HDAC10: variants seen among roughly 807,000 people sequenced by gnomAD.
The protein encoded by HDAC10 is polyamine deacetylase HDAC10.
In HDAC10, 90 loss-of-function variants were observed where a neutral mutation model predicts 82.3. The ratio of observed to expected loss-of-function variants is 1.09; its 90% CI spans 0.92 to 1.30. The LOEUF is 1.30. HDAC10 is among the 50% of genes most tolerant of loss of function. HDAC10 has a pLI of 0.00. For missense variants in HDAC10, 934 were observed against 876.3 expected, an observed-to-expected ratio of 1.07 and a Z score of -0.83; for synonymous variants, 456 against 391.7, an observed-to-expected ratio of 1.16 and a Z score of -1.94.
Position 50,248,522 on chromosome 22 carries a change from G to A in HDAC10, c.907-50C>T, listed in dbSNP as rs575767999. The A allele has an allele frequency of 2.3e-4, 363 of 1,554,872 alleles. 4 individuals carry two copies. In the South Asian group the frequency reaches 3.8e-3, roughly 16 times the overall value. On this transcript the variant is annotated intron_variant, in intron 10 of 19. Transcript: ENST00000216271. The surrounding 1 kb of genome is among the most constrained non-coding windows in gnomAD (Gnocchi z 5.4). ...TGGGGCAGAGATATCACTGGGATGGGATGTCACCGGGAGAGCCCCTGCCTG... is the reference window on the plus strand; with the variant it reads ...TGGGGCAGAGATATCACTGGGATGGAATGTCACCGGGAGAGCCCCTGCCTG...
chr22:50,245,903 A>T lies in HDAC10; in HGVS notation c.1833+7T>A. The T allele has an allele frequency of 6.4e-7, 1 of 1,568,072 alleles. No homozygotes were observed. The highest frequency in any genetic ancestry group is 8.6e-7 in the Non-Finnish European group (1 of 1,156,698). The stretch of plus-strand genomic sequence containing the variant: ...ACCCCGCAGCACCTCCACCCTGCCC[A>T]GCTTACCTCCTCCAGGAGGGCCAGG... On this transcript the variant is annotated splice_region_variant and intron_variant, in intron 18 of 19. Transcript: ENST00000216271.
Position 50,245,896 on chromosome 22 carries a change from C to T in HDAC10, c.1833+14G>A. ...TCGTCCCACCCCGCAGCACCTCCAC[C>T]CTGCCCAGCTTACCTCCTCCAGGAG... On this transcript the variant is annotated intron_variant, in intron 18 of 19. Coordinates refer to ENST00000216271, the MANE Select transcript of HDAC10 (RefSeq NM_032019.6). The T allele has an allele frequency of 6.4e-7, 1 of 1,562,192 alleles. No homozygotes were observed. Among genetic ancestry groups the T allele is most frequent in the East Asian group, 2.4e-5 (1 of 41,656 alleles).
Position 50,245,218 on chromosome 22 carries a change from CG to C in HDAC10, c.*288del. On this transcript the variant is annotated 3_prime_UTR_variant, in exon 20 of 20. Coordinates refer to ENST00000216271, the MANE Select transcript of HDAC10 (RefSeq NM_032019.6). The stretch of plus-strand genomic sequence containing the variant: ...GCGATGTTTACTAACGGCGCAAGGG[CG>C]GGGAGCGAAGCGCAGCGGGGCGCAG... The C allele has an allele frequency of 1.8e-6, 1 of 563,050 alleles. No homozygotes were observed. Among genetic ancestry groups the C allele is most frequent in the Non-Finnish European group, 3.1e-6 (1 of 319,190 alleles). 34.9% of individuals were successfully genotyped at this position (563,050 alleles called of 1,614,324 possible). A position where few individuals can be genotyped will look rare whatever the true frequency, so the allele number is the denominator to read the frequency against.
Position 50,248,366 on chromosome 22 carries a change from CTCTGACA to C in HDAC10, c.1006_1012del (p.Cys336ValfsTer3). The C allele has an allele frequency of 1.9e-6, 3 of 1,610,996 alleles. No individual in the cohort carries two copies. Among genetic ancestry groups the C allele is most frequent in the Non-Finnish European group, 2.5e-6 (3 of 1,179,892 alleles). On this transcript the variant is annotated frameshift_variant and splice_region_variant, in exon 11 of 20. Coordinates refer to ENST00000216271, the MANE Select transcript of HDAC10 (RefSeq NM_032019.6). LOFTEE classifies it high-confidence loss of function. This position sits in a 1 kb window ranked among gnomAD's most constrained non-coding sequence, Gnocchi z 5.4. ...CTGCCCGCCCTACCTCCCCTCGCAC[CTCTGACA>C]TGGCGCCATTGGCCCTGACAGGGGT...
At position 50,247,892 on chromosome 22, in the gene HDAC10, G is replaced by A. The variant is rs2064995787; in HGVS notation, c.1335C>T (p.Ala445=). 6.2e-7 allele frequency: 1 copy of A among 1,612,672 alleles called. No homozygotes were observed. The highest frequency in any genetic ancestry group is 8.5e-7 in the Non-Finnish European group (1 of 1,179,920). ...SALREETEAW[A]RPHESLAREE... is the part of the protein sequence containing the mutation. ...CTCCCCAGGCCAGCCCTGCCCACCT[G>A]GCCCAGGCTTCTGTCTCCTCCCTCA... Residue 445 remains alanine, a splice_region_variant and synonymous_variant, in exon 13 of 20, where the codon GCC becomes GCT. Coordinates refer to ENST00000216271, the MANE Select transcript of HDAC10 (RefSeq NM_032019.6).
At position 50,245,351 on chromosome 22, in the gene HDAC10, C is replaced by T. The variant is rs1331838674; in HGVS notation, c.*156G>A. 3.8e-5 allele frequency: 21 copies of T among 557,908 alleles called. No homozygotes were observed. The highest frequency in any genetic ancestry group is 6.2e-5 in the Non-Finnish European group (20 of 321,942). The allele number at this position is 557,908 out of a possible 1,614,324, so 34.6% of individuals were successfully genotyped here. A position where few individuals can be genotyped will look rare whatever the true frequency, so the allele number is the denominator to read the frequency against. On this transcript the variant is annotated 3_prime_UTR_variant, in exon 20 of 20. Transcript: ENST00000216271. ...GAGGTGAGGGGTGGAGCGGGGGAAG[C>T]ACGGGTGGGAGAGGGCGGGGCGCGG...
In HDAC10 at chr22:50,250,093, C is replaced by G. The variant is rs747973574; in HGVS notation, c.359G>C (p.Gly120Ala). The change falls in exon 4 of 20, where the codon GGA (glycine) becomes GCA (alanine). Residue 120 changes from glycine (G) to alanine (A), a missense_variant. Gly to Ala is a moderately conservative substitution (Grantham distance 60). Coordinates refer to ENST00000216271, the MANE Select transcript of HDAC10 (RefSeq NM_032019.6). ...GLQLVDAVLT[G>A]AVQNGLALVR... is the part of the protein sequence containing the mutation. ...CAGGGCAAGCCCATTTTGCACAGCT[C>G]CAGTGAGCACAGCGTCCACCAGCTG... The G allele has an allele frequency of 4.3e-6, 7 of 1,612,636 alleles. No individual in the cohort carries two copies. Among genetic ancestry groups the G allele is most frequent in the Non-Finnish European group, 5.9e-6 (7 of 1,179,948 alleles).
chr22:50,248,814 C>T lies in HDAC10; in HGVS notation c.816+17G>A. 3 of 1,608,962 alleles carry T rather than the reference C, an allele frequency of 1.9e-6. No individual in the cohort carries two copies. Among genetic ancestry groups the T allele is most frequent in the South Asian group, 1.1e-5 (1 of 90,276 alleles). ...CCAGGACCCCAGAAGCCCTCCCTGG[C>T]AAGGCAAGGCCCTCACCTCAGGGTC... On this transcript the variant is annotated intron_variant, in intron 9 of 19. Transcript: ENST00000216271. This position sits in a 1 kb window ranked among gnomAD's most constrained non-coding sequence, Gnocchi z 5.4.
In HDAC10 at chr22:50,249,375, C is replaced by T; in HGVS notation, c.643G>A (p.Gly215Arg). The change falls in exon 7 of 20, where the codon GGG becomes AGG. Residue 215 changes from glycine to arginine, a missense_variant. Physicochemically the swap from Gly to Arg is moderately radical, Grantham distance 125 (BLOSUM62 -2). Coordinates refer to ENST00000216271, the MANE Select transcript of HDAC10 (RefSeq NM_032019.6). This position sits in a 1 kb window ranked among gnomAD's most constrained non-coding sequence, Gnocchi z 4.4. ...FLRESDADAV[G>R]RGQGLGFTVN... ...GTGAAGCCGAGGCCCTGTCCCCGCCCCACTGCGTCTGCATCTGACTCTCGC... is the reference window on the plus strand; with the variant it reads ...GTGAAGCCGAGGCCCTGTCCCCGCCTCACTGCGTCTGCATCTGACTCTCGC... The T allele has an allele frequency of 5.6e-6, 9 of 1,612,618 alleles. No individual in the cohort carries two copies. The highest frequency in any genetic ancestry group is 4.2e-6 in the Non-Finnish European group (5 of 1,179,918).
rs1470256650 is a variant in HDAC10 at position 50,246,330 on chromosome 22, A to T, written c.1618T>A (p.Ser540Thr). The T allele has an allele frequency of 1.9e-6, 3 of 1,612,990 alleles. No homozygotes were observed. Among genetic ancestry groups the T allele is most frequent in the Non-Finnish European group, 2.5e-6 (3 of 1,179,996 alleles). Reference sequence around the variant, plus strand: ...AGTGGCGTGGAGACATGGAACATGGATAGGGCAGCCGCCTCCTTGCCCCTG... The same window carrying T: ...AGTGGCGTGGAGACATGGAACATGGTTAGGGCAGCCGCCTCCTTGCCCCTG... Reference protein sequence around the residue: ...NIRGKEAAALSMFHVSTPLPV... With the variant: ...NIRGKEAAALTMFHVSTPLPV... Residue 540 changes from serine (S) to threonine (T), a missense_variant, in exon 17 of 20, where the codon TCC becomes ACC. Physicochemically the swap from Ser to Thr is moderately conservative, Grantham distance 58. Coordinates refer to ENST00000216271, the MANE Select transcript of HDAC10 (RefSeq NM_032019.6).
In HDAC10 at chr22:50,249,870, CGT is replaced by C. The variant is rs2065044748; in HGVS notation, c.482_483del (p.His161ArgfsTer23). 3 of 1,612,338 alleles carry C rather than the reference CGT, an allele frequency of 1.9e-6. No individual in the cohort carries two copies. Among genetic ancestry groups the C allele is most frequent in the Non-Finnish European group, 2.5e-6 (3 of 1,179,572 alleles). On this transcript the variant is annotated frameshift_variant, in exon 5 of 20. Coordinates refer to ENST00000216271, the MANE Select transcript of HDAC10 (RefSeq NM_032019.6). LOFTEE classifies it high-confidence loss of function. This position sits in a 1 kb window ranked among gnomAD's most constrained non-coding sequence, Gnocchi z 4.4. ...CAGCCTGGCACACACCTGTGTAGCC[CGT>C]GTTTCTGCTTGGCATGTGCAGCTGC... Reference protein sequence around the residue: ...AIAAAHAKQKHGLHRILVVDW... With the variant: ...AIAAAHAKQKXGLHRILVVDW...
chr22:50,247,487 G>C (rs2064982987), intron 14 of HDAC10: 2 of 488,766 alleles, frequency 4.1e-6, no homozygotes, highest in Non-Finnish European at 7.2e-6. Flanking sequence ...GCATTTAACT[G>C]AAGAAGCTGA....
At position 50,249,980 on chromosome 22, in the gene HDAC10, A is replaced by G. The variant is rs1259359637; in HGVS notation, c.390-16T>C. 2 of 1,611,618 alleles carry G rather than the reference A, an allele frequency of 1.2e-6. No homozygotes were observed. The highest frequency in any genetic ancestry group is 1.7e-6 in the Non-Finnish European group (2 of 1,178,918). On this transcript the variant is annotated splice_polypyrimidine_tract_variant and intron_variant, in intron 4 of 19. Coordinates refer to ENST00000216271, the MANE Select transcript of HDAC10 (RefSeq NM_032019.6). This position sits in a 1 kb window ranked among gnomAD's most constrained non-coding sequence, Gnocchi z 4.4. Reference sequence around the variant, plus strand: ...CCCGGGAGGCCTACGGCGTGAGAGTAGGATTTGGGTCACGTCAGGGTCGCC... The same window carrying G: ...CCCGGGAGGCCTACGGCGTGAGAGTGGGATTTGGGTCACGTCAGGGTCGCC...
intron 14 of HDAC10, 77 bp downstream of exon 14, chr22:50,247,615 A>G: frequency 9.7e-7 from 1 of 1,029,770 alleles, no homozygotes; most frequent in Non-Finnish European, 1.4e-6. Flanking sequence ...TCCTCTGGAC[A>G]GGCCACATCT....
At chr22:50,247,576 C>T in intron 14 of HDAC10, 116 bp downstream of exon 14, 1 of 734,560 alleles carries the variant, frequency 1.4e-6, no homozygotes, top group Non-Finnish European at 2.3e-6. Context: ...GCAATGTTCA[C>T]ATCCATGTGG....
Position 50,249,490 on chromosome 22 carries a change from C to T in HDAC10, c.564-36G>A. 1 of 1,611,576 alleles carries T rather than the reference C, an allele frequency of 6.2e-7. No individual in the cohort carries two copies. Among genetic ancestry groups the T allele is most frequent in the Non-Finnish European group, 8.5e-7 (1 of 1,179,262 alleles). The stretch of plus-strand genomic sequence containing the variant: ...CCAGCCAGGGCCAGAGGTCAAAGGT[C>T]AGGACCCTCAACAGCTCTACAGCTC... On this transcript the variant is annotated intron_variant, in intron 6 of 19. Transcript: ENST00000216271. The surrounding 1 kb of genome is among the most constrained non-coding windows in gnomAD (Gnocchi z 4.4).
rs776121533 is a variant in HDAC10 at position 50,246,280 on chromosome 22, C to T, written c.1650+18G>A. 116 of 1,608,786 alleles carry T rather than the reference C, an allele frequency of 7.2e-5. No individual in the cohort carries two copies. Among genetic ancestry groups the T allele is most frequent in the Non-Finnish European group, 9.4e-5 (110 of 1,176,362 alleles). Reference sequence around the variant, plus strand: ...GGGCTCCCCAGCACCTGCCTTGCCGCGTGGCATGGTCACTCACCACTGGCA... The same window carrying T: ...GGGCTCCCCAGCACCTGCCTTGCCGTGTGGCATGGTCACTCACCACTGGCA... On this transcript the variant is annotated intron_variant, in intron 17 of 19. Coordinates refer to ENST00000216271, the MANE Select transcript of HDAC10 (RefSeq NM_032019.6).
Position 50,248,088 on chromosome 22 carries a change from G to A in HDAC10, c.1139C>T (p.Pro380Leu), listed in dbSNP as rs751281854. The stretch of plus-strand genomic sequence containing the variant: ...ACACACTGGACCCCCAGGCAGCAGA[G>A]GTGGAGGCCTCCCCTCTGGGGAGTG... ...SSHSPEGRPP[P>L]LLPGGPVCKA... Residue 380 changes from proline (P) to leucine (L), a missense_variant, in exon 13 of 20, where the codon CCT (proline) becomes CTT (leucine). Coordinates refer to ENST00000216271, the MANE Select transcript of HDAC10 (RefSeq NM_032019.6). The surrounding 1 kb of genome is among the most constrained non-coding windows in gnomAD (Gnocchi z 5.4). The A allele has an allele frequency of 1.9e-6, 3 of 1,599,330 alleles. No individual in the cohort carries two copies. The highest frequency in any genetic ancestry group is 2.6e-6 in the Non-Finnish European group (3 of 1,171,430).
chr22:50,248,112 T>C lies in HDAC10; in HGVS notation c.1115A>G (p.His372Arg). The change falls in exon 13 of 20, where the codon CAC (histidine) becomes CGC (arginine). Residue 372 changes from histidine (H) to arginine (R), a missense_variant. Coordinates refer to ENST00000216271, the MANE Select transcript of HDAC10 (RefSeq NM_032019.6). This position sits in a 1 kb window ranked among gnomAD's most constrained non-coding sequence, Gnocchi z 5.4. ...VTAVPMSPSS[H>R]SPEGRPPPLL... ...AGGTGGAGGCCTCCCCTCTGGGGAG[T>C]GGCTGCTGGGGCTCATCGGCACAGC... 1.3e-6 allele frequency: 2 copies of C among 1,589,006 alleles called. No individual in the cohort carries two copies. The highest frequency in any genetic ancestry group is 1.7e-6 in the Non-Finnish European group (2 of 1,165,848).
Sources: allele counts gnomAD v4.1 joint callset, GRCh38; gene constraint gnomAD v4.1.1; non-coding constraint Gnocchi (gnomAD v3.1); transcripts MANE v1.5; gene names NCBI Gene and HGNC (gene_info 2026-07-23, HGNC 2026-07-21).